SVEP1: variants seen among roughly 807,000 people sequenced by gnomAD.
The protein encoded by SVEP1 is sushi, von Willebrand factor type A, EGF and pentraxin domain-containing protein 1.
Under a neutral mutation model 367.3 loss-of-function variants are expected in SVEP1, and 164 were observed. The ratio of observed to expected loss-of-function variants is 0.45; its 90% CI spans 0.39 to 0.51. The LOEUF (loss-of-function observed/expected upper bound fraction) is 0.51. Among genes scored for constraint, SVEP1 ranks in the 20% least tolerant of loss-of-function variants. SVEP1 has a pLI of 0.00. For synonymous variants in SVEP1, 1,666 were observed against 1,611.6 expected, an observed-to-expected ratio of 1.03 and a Z score of -0.81; for missense variants, 4,117 against 4,425.3, an observed-to-expected ratio of 0.93 and a Z score of 1.98.
intron 34 of SVEP1, 143 bp downstream of exon 34, chr9:110,429,777 C>G: frequency 3.1e-6 from 2 of 655,656 alleles, no homozygotes; most frequent in Admixed American, 5.4e-5. Flanking sequence ...GATTTGTTCA[C>G]ACTATGTATC....
intron 36 of SVEP1, 26 bp from the exon 37 acceptor site, chr9:110,411,761 ATAAC>A (rs1398200208): frequency 4.0e-5 from 58 of 1,463,014 alleles, no homozygotes; most frequent in Non-Finnish European, 5.3e-5. Context: ...GAAAGAAAGA[ATAAC>A]TAAGCATAAT....
chr9:110,430,472 GGAAT>G (rs773466145), intron 32 of SVEP1, 22 bp from the exon 33 acceptor site: 1 of 1,589,502 alleles, frequency 6.3e-7, no homozygotes, highest in Admixed American at 1.8e-5. Context: ...CAGTTTTGGT[GGAAT>G]AATAAGTGGC....
At chr9:110,574,912 A>AT (rs1554724495) in intron 1 of SVEP1, among the ~76,000 whole-genome samples, 3 of 151,628 alleles carry the variant, frequency 2.0e-5, no homozygotes, top group Admixed American at 6.6e-5. Context: ...CGCCCGGCTA[A>AT]TTTTTTGTGT....
chr9:110,462,863 G>A (rs966761678), intron 18 of SVEP1, among the ~76,000 whole-genome samples: 1 of 151,934 alleles, frequency 6.6e-6, no homozygotes, highest in African/African-American at 2.4e-5. Flanking sequence ...AACACATATA[G>A]ACCTGGAGCC....
At chr9:110,401,240 TA>T (rs1827856270) in intron 39 of SVEP1, among the ~76,000 whole-genome samples, 1 of 152,156 alleles carries the variant, frequency 6.6e-6, no homozygotes, top group South Asian at 2.1e-4. Context: ...CTTAAGCCCA[TA>T]AAACAGGCAT....
At position 110,579,629 on chromosome 9, in the gene SVEP1, CGTGCGCGGAGCT is replaced by C; in HGVS notation, c.-98_-87del. 7.1e-7 allele frequency: 1 copy of C among 1,415,778 alleles called. No homozygotes were observed. Among genetic ancestry groups the C allele is most frequent in the Non-Finnish European group, 9.2e-7 (1 of 1,090,018 alleles). 87.7% of individuals were successfully genotyped at this position (1,415,778 alleles called of 1,614,324 possible). On this transcript the variant is annotated 5_prime_UTR_variant, in exon 1 of 48. Coordinates refer to ENST00000374469, the MANE Select transcript of SVEP1 (RefSeq NM_153366.4). This position sits in a 1 kb window ranked among gnomAD's most constrained non-coding sequence, Gnocchi z 5.3. Reference sequence around the variant, plus strand: ...CTGGGCGGCCGGACTCGCAGAGGGGCGTGCGCGGAGCTGGGCGCGGGGCAGCGGCCAAGAGCC... The same window carrying C: ...CTGGGCGGCCGGACTCGCAGAGGGGCGGGCGCGGGGCAGCGGCCAAGAGCC...
At chr9:110,492,875 C>T (rs73655388) in intron 8 of SVEP1, among the ~76,000 whole-genome samples, 4,460 of 151,972 alleles carry the variant, frequency 0.029, 205 homozygotes, top group African/African-American at 0.1. Flanking sequence ...TGGGTGAGGC[C>T]GACACCCATG....
At chr9:110,376,967 T>C in intron 45 of SVEP1, 1 of 242,922 alleles carries the variant, frequency 4.1e-6, no homozygotes, top group East Asian at 7.7e-5. Context: ...AGACCTTGAG[T>C]TAAGGGAAGA....
intron 44 of SVEP1, among the ~76,000 whole-genome samples, chr9:110,379,065 AATC>A (rs1827395027): frequency 6.6e-6 from 1 of 152,160 alleles, no homozygotes; most frequent in Non-Finnish European, 1.5e-5. Flanking sequence ...GATGTATAAA[AATC>A]ATATTTTATT....
intron 40 of SVEP1, among the ~76,000 whole-genome samples, chr9:110,390,370 T>TAAGTATATATATAAGTATATATATA (rs1406748869): frequency 1.2e-5 from 1 of 86,420 alleles, no homozygotes; most frequent in South Asian, 4.5e-4. Flanking sequence ...TATACTTATA[T>TAAGTATATATATAAGTATATATATA]CTACTTATAT....
At chr9:110,466,141 G>C (rs1828933677) in intron 17 of SVEP1, 115 bp from the exon 18 acceptor site, 18 of 1,075,092 alleles carry the variant, frequency 1.7e-5, no homozygotes, top group Non-Finnish European at 2.3e-5. Context: ...CAGAATGAGG[G>C]ACCCAGAGAG....
intron 20 of SVEP1, chr9:110,458,205 CA>C (rs57986350): frequency 0.012 from 7,162 of 580,610 alleles, 386 homozygotes; most frequent in African/African-American, 0.12. Context: ...TATAGTGAAT[CA>C]AAAGGCTCCC....
intron 8 of SVEP1, among the ~76,000 whole-genome samples, chr9:110,491,590 G>GGGGT (rs76905358): frequency 4.7e-5 from 7 of 147,838 alleles, no homozygotes; most frequent in East Asian, 2.0e-4. Flanking sequence ...TATAGAATGG[G>GGGGT]GTGTGTGTGT....
intron 9 of SVEP1, among the ~76,000 whole-genome samples, chr9:110,485,888 C>T (rs1387355972): frequency 6.6e-6 from 1 of 152,124 alleles, no homozygotes; most frequent in African/African-American, 2.4e-5. Context: ...ATATGGATTC[C>T]CATTTTAAGC....
chr9:110,577,871 C>T (rs1830644497), intron 1 of SVEP1, among the ~76,000 whole-genome samples: 1 of 152,048 alleles, frequency 6.6e-6, no homozygotes, highest in African/African-American at 2.4e-5. Context: ...TGTTCATCCT[C>T]AAAAATCAAA....
At chr9:110,392,697 TAATG>T (rs1827683690) in intron 40 of SVEP1, among the ~76,000 whole-genome samples, 1 of 152,164 alleles carries the variant, frequency 6.6e-6, no homozygotes, top group Non-Finnish European at 1.5e-5. Context: ...GTTTTTAAAA[TAATG>T]AGTTTGTTCA....
chr9:110,395,634 C>G (rs958873364), intron 40 of SVEP1, among the ~76,000 whole-genome samples: 22 of 151,656 alleles, frequency 1.5e-4, no homozygotes, highest in African/African-American at 5.1e-4. Context: ...CACACATAGG[C>G]TCAAAATAAA....
rs558364839 is a variant in SVEP1, at chr9:110,476,704, T to C, written c.2488-389A>G. Among the ~76,000 whole-genome samples, 10 of 152,308 alleles carry C rather than the reference T, an allele frequency of 6.6e-5. No individual in the cohort carries two copies. In the South Asian group the frequency reaches 1.2e-3, roughly 19 times the overall value. Reference sequence around the variant, plus strand: ...CTCAGTCAGTAATCAGCAAATCTGTTATTTTCTACCTCCTCTCTTTATGTT... The same window carrying C: ...CTCAGTCAGTAATCAGCAAATCTGTCATTTTCTACCTCCTCTCTTTATGTT... On this transcript the variant is annotated intron_variant, in intron 13 of 47. Transcript: ENST00000374469.
intron 16 of SVEP1, among the ~76,000 whole-genome samples, chr9:110,470,796 T>C (rs1338646820): frequency 6.7e-6 from 1 of 150,092 alleles, no homozygotes; most frequent in Non-Finnish European, 1.5e-5. Flanking sequence ...ATATTTATTA[T>C]ACTTTAAGTT....
Sources: gnomAD v4.1 joint callset for allele counts (sites outside exome capture counted in the v4.1 genomes callset) on GRCh38, gnomAD v4.1.1 for gene constraint, Gnocchi (gnomAD v3.1) non-coding constraint, MANE v1.5 for transcripts, NCBI Gene and HGNC (gene_info 2026-07-23, HGNC 2026-07-21) for gene names.